The following IL7R variants were observed in gnomAD, a reference collection of about 807,000 sequenced individuals.
IL7R encodes the protein interleukin-7 receptor subunit alpha.
In IL7R, 38 loss-of-function variants were observed where a neutral mutation model predicts 47.0. The observed-to-expected ratio is 0.81, with a 90% CI of 0.62 to 1.06. The LOEUF is 1.06. Among genes scored for constraint, IL7R ranks in the 50% least tolerant of loss-of-function variants. The probability of loss-of-function intolerance (pLI) is 0.00; values close to 1 mark genes in which losing one functional copy is unlikely to be tolerated. For synonymous variants in IL7R, 221 were observed against 199.8 expected (o/e 1.11, Z -0.89); for missense variants, 633 against 534.8 (o/e 1.18, Z -1.81).
Position 35,876,036 on chromosome 5 carries a change from G to C in IL7R, c.930G>C (p.Arg310Ser), listed in dbSNP as rs2149905226. 1.2e-6 allele frequency: 2 copies of C among 1,614,066 alleles called. No individual in the cohort carries two copies. The highest frequency in any genetic ancestry group is 3.3e-4 in the Middle Eastern group (2 of 6,062). The change falls in exon 8 of 8, where the codon AGG (arginine) becomes AGC (serine). Residue 310 changes from arginine (R) to serine (S), a missense_variant. Coordinates refer to ENST00000303115, the MANE Select transcript of IL7R (RefSeq NM_002185.5). ...GTTTCCTGGACTGCCAGATTCATAG[G>C]GTGGATGACATTCAAGCTAGAGATG... ...PESFLDCQIH[R>S]VDDIQARDEV...
intron 1 of IL7R, 123 bp from the exon 2 acceptor site, chr5:35,860,729 A>G: frequency 3.0e-6 from 3 of 999,752 alleles, no homozygotes; most frequent in Non-Finnish European, 4.7e-6. Context: ...TTCCTTGAAT[A>G]CTACATAATC....
At chr5:35,865,021 T>C (rs1362243048) in intron 2 of IL7R, among the ~76,000 whole-genome samples, 1 of 152,172 alleles carries the variant, frequency 6.6e-6, no homozygotes, top group Non-Finnish European at 1.5e-5. Context: ...GTAGGTTTGT[T>C]ACATATGTAT....
chr5:35,858,064 A>G (rs914078409), intron 1 of IL7R, among the ~76,000 whole-genome samples: 3 of 152,134 alleles, frequency 2.0e-5, no homozygotes, highest in Admixed American at 2.0e-4. Flanking sequence ...TTATTATTCT[A>G]TGCTAAACTT....
rs1223538431 is a variant in IL7R, at chr5:35,876,226, G to C, written c.1120G>C (p.Val374Leu). The C allele has an allele frequency of 6.2e-7, 1 of 1,614,058 alleles. No homozygotes were observed. The highest frequency in any genetic ancestry group is 1.7e-5 in the Admixed American group (1 of 60,000). The change falls in exon 8 of 8, where the codon GTC becomes CTC. Residue 374 changes from valine to leucine, a missense_variant. Coordinates refer to ENST00000303115, the MANE Select transcript of IL7R (RefSeq NM_002185.5). ...DSSLTCLAGN[V>L]SACDAPILSS... Reference sequence around the variant, plus strand: ...ATCCCTCACATGCCTGGCTGGGAATGTCAGTGCATGTGACGCCCCTATTCT... The same window carrying C: ...ATCCCTCACATGCCTGGCTGGGAATCTCAGTGCATGTGACGCCCCTATTCT...
chr5:35,873,251 A>G (rs1393994579), intron 4 of IL7R: 4 of 573,068 alleles, frequency 7.0e-6, no homozygotes, highest in Non-Finnish European at 1.3e-5. Context: ...AATAAGACCC[A>G]TCATTTCACT....
At chr5:35,865,897 T>C (rs6451227) in intron 2 of IL7R, among the ~76,000 whole-genome samples, 108,561 of 152,090 alleles carry the variant, frequency 0.71, 39,784 homozygotes, top group African/African-American at 0.87. Flanking sequence ...AATCAAATTG[T>C]GTTTATTTGT....
rs1561421608 is a variant in IL7R at position 35,867,421 on chromosome 5, GAA to G, written c.340_341del (p.Lys114GlufsTer14). ...GAGCAATATATGTGTGAAGGTTGGA[GAA>G]AAGAGTCTAACCTGCAAAAAAATAG... Reference protein sequence around the residue: ...GKSNICVKVGEKSLTCKKIDL... With the variant: ...GKSNICVKVGXKSLTCKKIDL... On this transcript the variant is annotated frameshift_variant, in exon 3 of 8. Transcript: ENST00000303115. LOFTEE classifies it high-confidence loss of function. 6.2e-7 allele frequency: 1 copy of G among 1,613,142 alleles called. No homozygotes were observed. Among genetic ancestry groups the G allele is most frequent in the Non-Finnish European group, 8.5e-7 (1 of 1,179,442 alleles).
At chr5:35,873,022 T>G (rs76860333) in intron 4 of IL7R, among the ~76,000 whole-genome samples, 7,457 of 97,822 alleles carry the variant, frequency 0.076, 450 homozygotes, top group African/African-American at 0.18. Context: ...GATAGAGTGG[T>G]TTTTTTTTAA....
intron 5 of IL7R, 128 bp downstream of exon 5, chr5:35,873,776 T>TTCACC: frequency 1.2e-6 from 1 of 846,756 alleles, no homozygotes. Context: ...ACTCTTACAC[T>TTCACC]TTCTTTGGAG....
chr5:35,857,564 A>T (rs1420125736), intron 1 of IL7R, among the ~76,000 whole-genome samples: 2 of 152,174 alleles, frequency 1.3e-5, no homozygotes, highest in African/African-American at 4.8e-5. Context: ...GACATCCAAT[A>T]ACTTTTGAAA....
At chr5:35,869,300 T>C (rs924465641) in intron 3 of IL7R, among the ~76,000 whole-genome samples, 3 of 152,172 alleles carry the variant, frequency 2.0e-5, no homozygotes, top group Admixed American at 6.5e-5. Context: ...TTGATATGAT[T>C]ATTCAGATTG....
rs1030451122 is a variant in IL7R, at chr5:35,879,148, T to C, written c.*2662T>C. The C allele has an allele frequency of 3.4e-5, 8 of 232,924 alleles. No individual in the cohort carries two copies. The highest frequency in any genetic ancestry group is 5.1e-5 in the Non-Finnish European group (6 of 117,900). The allele number at this position is 232,924 out of a possible 1,614,324, so 14.4% of individuals were successfully genotyped here. On this transcript the variant is annotated 3_prime_UTR_variant, in exon 8 of 8. Transcript: ENST00000303115. ...AGAAGTGTAAACTGCCAGTTCTATA[T>C]AGCATGAAATGAAAAGACAGCTAAT...
intron 3 of IL7R, among the ~76,000 whole-genome samples, chr5:35,868,600 A>C (rs1580857962): frequency 6.6e-6 from 1 of 152,162 alleles, no homozygotes; most frequent in Non-Finnish European, 1.5e-5. Context: ...TGAGGTTATA[A>C]AAAGTTGGGT....
In IL7R at chr5:35,856,969, T is replaced by A; in HGVS notation, c.-9T>A. On this transcript the variant is annotated 5_prime_UTR_variant, in exon 1 of 8. Coordinates refer to ENST00000303115, the MANE Select transcript of IL7R (RefSeq NM_002185.5). ...CACACATCTACTCTCTCTCTCTATC[T>A]CTCTCAGAATGACAATTCTAGGTAC... The A allele has an allele frequency of 6.5e-7, 1 of 1,530,340 alleles. No homozygotes were observed. Among genetic ancestry groups the A allele is most frequent in the Non-Finnish European group, 9.0e-7 (1 of 1,105,982 alleles). The allele number at this position is 1,530,340 out of a possible 1,614,324, so 94.8% of individuals were successfully genotyped here.
intron 4 of IL7R, 84 bp downstream of exon 4, chr5:35,871,297 G>A (rs1338531633): frequency 2.7e-6 from 3 of 1,127,542 alleles, no homozygotes; most frequent in Non-Finnish European, 3.9e-6. Flanking sequence ...TCCCCTGGGA[G>A]GGCCCAACAA....
Position 35,867,399 on chromosome 5 carries a change from C to T in IL7R, c.315C>T (p.Ser105=), listed in dbSNP as rs201058754. ...AGAAATTCTTACTGATTGGAAAGAGCAATATATGTGTGAAGGTTGGAGAAA... is the reference window on the plus strand; with the variant it reads ...AGAAATTCTTACTGATTGGAAAGAGTAATATATGTGTGAAGGTTGGAGAAA... ...ETKKFLLIGK[S]NICVKVGEKS... Residue 105 remains serine, a synonymous_variant, in exon 3 of 8, where the codon AGC becomes AGT. Transcript: ENST00000303115. 7.4e-6 allele frequency: 12 copies of T among 1,612,622 alleles called. No homozygotes were observed. In the South Asian group the frequency reaches 1.3e-4, roughly 18 times the overall value.
At chr5:35,875,913 C>T in intron 7 of IL7R, 70 bp from the exon 8 acceptor site, 1 of 1,531,428 alleles carries the variant, frequency 6.5e-7, no homozygotes, top group South Asian at 1.1e-5. Context: ...TAGACCTACT[C>T]CTGAACTGAA....
intron 3 of IL7R, among the ~76,000 whole-genome samples, chr5:35,868,824 A>G (rs762734327): frequency 2.5e-4 from 38 of 152,246 alleles, no homozygotes; most frequent in Non-Finnish European, 5.0e-4. Context: ...AGCACTCACA[A>G]CACACCAAGA....
In IL7R at chr5:35,877,768, A is replaced by G. The variant is rs1580866181; in HGVS notation, c.*1282A>G. ...GAGACGTATTATTAATGCTTGACAT[A>G]TATCATCTTGCCTTTCTTGGTCTAG... On this transcript the variant is annotated 3_prime_UTR_variant, in exon 8 of 8. Transcript: ENST00000303115. 4.3e-6 allele frequency: 1 copy of G among 233,316 alleles called. No homozygotes were observed. Among genetic ancestry groups the G allele is most frequent in the Admixed American group, 5.6e-5 (1 of 17,806 alleles). The allele number at this position is 233,316 out of a possible 1,614,324, so 14.5% of individuals were successfully genotyped here.
Sources: allele counts gnomAD v4.1 joint callset (sites outside exome capture counted in the v4.1 genomes callset), GRCh38; gene constraint gnomAD v4.1.1; transcripts MANE v1.5; gene names NCBI Gene and HGNC (gene_info 2026-07-23, HGNC 2026-07-21).